The following NTNG1 variants were observed in gnomAD, a reference collection of about 807,000 sequenced individuals.
NTNG1 encodes the protein netrin G1, also known as netrin-G1.
In NTNG1, 16 loss-of-function variants were observed where a neutral mutation model predicts 54.0. The ratio of observed to expected loss-of-function variants is 0.30; its 90% CI spans 0.20 to 0.45. The LOEUF (loss-of-function observed/expected upper bound fraction) is 0.45. NTNG1 is among the 20% of genes least tolerant of loss of function. NTNG1 has a pLI of 1.00. For missense variants in NTNG1, 530 were observed against 678.7 expected, an observed-to-expected ratio of 0.78 and a Z score of 2.43; for synonymous variants, 255 against 263.1, an observed-to-expected ratio of 0.97 and a Z score of 0.30.
intron 2 of NTNG1, among the ~76,000 whole-genome samples, chr1:107,268,485 T>C (rs940169506): frequency 6.1e-4 from 16 of 26,354 alleles, no homozygotes; most frequent in Non-Finnish European, 1.4e-3. Context: ...TCTCTCATCA[T>C]ATTTTTTTTT....
chr1:107,342,770 T>C (rs1012414342), intron 3 of NTNG1, among the ~76,000 whole-genome samples: 9 of 152,124 alleles, frequency 5.9e-5, no homozygotes, highest in African/African-American at 2.2e-4. Context: ...TGGCTACTTC[T>C]AAAGGCAGAA....
intron 7 of NTNG1, among the ~76,000 whole-genome samples, chr1:107,469,869 A>C (rs1180874564): frequency 1.3e-5 from 2 of 151,548 alleles, no homozygotes; most frequent in East Asian, 1.9e-4. Context: ...GGGCAGAAAT[A>C]GTTTTTTTTT....
intron 2 of NTNG1, among the ~76,000 whole-genome samples, chr1:107,158,129 T>G (rs1020501132): frequency 6.6e-6 from 1 of 152,140 alleles, no homozygotes; most frequent in African/African-American, 2.4e-5. Flanking sequence ...AAAAGTTGAA[T>G]CCTAAAACAT....
intron 2 of NTNG1, among the ~76,000 whole-genome samples, chr1:107,250,323 G>A (rs1192325974): frequency 6.6e-6 from 1 of 152,182 alleles, no homozygotes; most frequent in East Asian, 1.9e-4. Context: ...GGATGTGGGA[G>A]GTGGTCAGGA....
At chr1:107,461,567 T>C (rs574525099) in intron 7 of NTNG1, among the ~76,000 whole-genome samples, 24 of 150,622 alleles carry the variant, frequency 1.6e-4, no homozygotes, top group African/African-American at 5.4e-4. Flanking sequence ...TGAGACGGAG[T>C]CTTGCTCTGT....
rs1373335 is a variant in NTNG1 at position 107,391,368 on chromosome 1, C to T, written c.888-3786C>T. 7.2e-3 allele frequency among the ~76,000 whole-genome samples: 1,102 copies of T among 152,100 alleles called. 10 individuals are homozygous for T. Among genetic ancestry groups the T allele is most frequent in the African/African-American group, 0.023 (971 of 41,474 alleles). On this transcript the variant is annotated intron_variant, in intron 3 of 7. Transcript: ENST00000370068. ...TTGAGATTGGGTAGAGAGGGGCATG[C>T]CTGGAGCACAAAATTCTGTTTAGAA...
At chr1:107,199,477 T>TA (rs1346121304) in intron 2 of NTNG1, among the ~76,000 whole-genome samples, 1 of 151,920 alleles carries the variant, frequency 6.6e-6, no homozygotes, top group Non-Finnish European at 1.5e-5. Flanking sequence ...ATTTGCTTAT[T>TA]AAAAATATGT....
In NTNG1 at chr1:107,464,561, GAAC is replaced by G. The variant is rs368728856; in HGVS notation, c.1391-16044_1391-16042del. 1.9e-4 allele frequency among the ~76,000 whole-genome samples: 29 copies of G among 152,224 alleles called. No homozygotes were observed. In the South Asian group the frequency reaches 6.0e-3, roughly 32 times the overall value. ...TTAGATTAACCAAGAGGCTTGCACG[GAAC>G]AACAAGTGAAAAACAATTAGAACCC... On this transcript the variant is annotated intron_variant, in intron 7 of 7. Transcript: ENST00000370068.
Position 107,376,572 on chromosome 1 carries a change from C to G in NTNG1, c.888-18582C>G, listed in dbSNP as rs375545460. On this transcript the variant is annotated intron_variant, in intron 3 of 7. Coordinates refer to ENST00000370068, the MANE Select transcript of NTNG1 (RefSeq NM_001113226.3). The stretch of plus-strand genomic sequence containing the variant: ...CCTGTGAGGAGCCTGAGATCCTACC[C>G]ACTCTGCCGTGCCACCTTATGCCCA... Among the ~76,000 whole-genome samples the G allele has an allele frequency of 4.3e-4, 65 of 152,288 alleles. 1 individual carries two copies. The South Asian group carries it at 0.012, about 28-fold the overall frequency.
At chr1:107,343,861 C>T (rs945092731) in intron 3 of NTNG1, among the ~76,000 whole-genome samples, 4 of 152,100 alleles carry the variant, frequency 2.6e-5, no homozygotes, top group Non-Finnish European at 5.9e-5. Context: ...TTGTCAGTTT[C>T]CAAAGGGGGC....
intron 2 of NTNG1, among the ~76,000 whole-genome samples, chr1:107,214,462 T>C (rs1659807996): frequency 6.6e-6 from 1 of 152,248 alleles, no homozygotes; most frequent in South Asian, 2.1e-4. Flanking sequence ...TTCCTTTTTA[T>C]GGCTGAGTAG....
intron 3 of NTNG1, among the ~76,000 whole-genome samples, chr1:107,335,068 T>C (rs1373048725): frequency 6.6e-6 from 1 of 152,004 alleles, no homozygotes; most frequent in African/African-American, 2.4e-5. Context: ...CAGAGTAAGC[T>C]ATGTACTTGG....
At chr1:107,419,827 T>G (rs1235593107) in intron 5 of NTNG1, among the ~76,000 whole-genome samples, 2 of 151,978 alleles carry the variant, frequency 1.3e-5, no homozygotes, top group Non-Finnish European at 1.5e-5. Context: ...TTGATCAGAG[T>G]GATGAAATCT....
At chr1:107,395,383 C>G (rs1448897369) in intron 4 of NTNG1, 57 bp downstream of exon 4, 1 of 1,445,000 alleles carries the variant, frequency 6.9e-7, no homozygotes, top group Non-Finnish European at 9.7e-7. Flanking sequence ...GATAGTTCCT[C>G]TCAATTTTGC....
At position 107,284,018 on chromosome 1, in the gene NTNG1, T is replaced by C. The variant is rs537629130; in HGVS notation, c.247-40264T>C. ...CTTACTTGATAATCTCAGGCAAATG[T>C]TATCTTCCCTTCTTTGGAGCATTCA... On this transcript the variant is annotated intron_variant, in intron 2 of 7. Coordinates refer to ENST00000370068, the MANE Select transcript of NTNG1 (RefSeq NM_001113226.3). 2.6e-5 allele frequency among the ~76,000 whole-genome samples: 4 copies of C among 152,324 alleles called. No homozygotes were observed. The East Asian group carries it at 7.7e-4, about 29-fold the overall frequency.
intron 3 of NTNG1, among the ~76,000 whole-genome samples, chr1:107,334,187 A>T (rs1169633856): frequency 6.6e-6 from 1 of 151,984 alleles, no homozygotes; most frequent in African/African-American, 2.4e-5. Context: ...ATATTCTTGA[A>T]ACCACAAGCT....
At chr1:107,460,089 A>G (rs1463978042) in intron 7 of NTNG1, among the ~76,000 whole-genome samples, 1 of 152,064 alleles carries the variant, frequency 6.6e-6, no homozygotes, top group Non-Finnish European at 1.5e-5. Flanking sequence ...GGAAAGGAAA[A>G]CCTCTAGAAA....
intron 2 of NTNG1, among the ~76,000 whole-genome samples, chr1:107,290,792 A>G (rs1262830156): frequency 6.6e-6 from 1 of 151,704 alleles, no homozygotes; most frequent in African/African-American, 2.4e-5. Context: ...TGTTAATACA[A>G]TAATAATAAG....
At chr1:107,141,446 A>T (rs1469020755) in intron 1 of NTNG1, 2 of 150,484 alleles carry the variant, frequency 1.3e-5, no homozygotes, top group Non-Finnish European at 3.0e-5. Context: ...GCGCAAGGGC[A>T]AACGAGCCAC....
Sources: gnomAD v4.1 joint callset for allele counts (sites outside exome capture counted in the v4.1 genomes callset) on GRCh38, gnomAD v4.1.1 for gene constraint, MANE v1.5 for transcripts, NCBI Gene and HGNC (gene_info 2026-07-23, HGNC 2026-07-21) for gene names.